The following PDZD7 variants were observed in gnomAD, a reference collection of about 807,000 sequenced individuals.
The protein encoded by PDZD7 is PDZ domain-containing protein 7.
Under a neutral mutation model 84.7 loss-of-function variants are expected in PDZD7, and 72 were observed. The observed-to-expected ratio is 0.85, with a 90% CI of 0.70 to 1.03. The LOEUF is 1.03. PDZD7 is among the 50% of genes least tolerant of loss of function. The pLI, the probability that PDZD7 is intolerant of heterozygous loss-of-function variation, is 0.00. For missense variants in PDZD7, 1,490 were observed against 1,412.9 expected, an observed-to-expected ratio of 1.05 and a Z score of -0.87; for synonymous variants, 594 against 580.7, an observed-to-expected ratio of 1.02 and a Z score of -0.33.
rs1852355585 is a variant in PDZD7, at chr10:101,010,500, G to C, written c.2389C>G (p.Pro797Ala). 3 of 1,534,122 alleles carry C rather than the reference G, an allele frequency of 2.0e-6. No individual in the cohort carries two copies. The highest frequency in any genetic ancestry group is 2.0e-5 in the Admixed American group (1 of 50,924). Residue 797 changes from proline (P) to alanine (A), a missense_variant, in exon 15 of 17, where the codon CCA (proline) becomes GCA (alanine). Transcript: ENST00000619208. ...GGGGCAGGGGTAGGCACCGGGGATG[G>C]GGAGCGTCTACCTGGAGACTTGCCT... ...GQGKSPGRRS[P>A]SPVPTPAPSM...
At chr10:101,009,128 C>G (rs1852310408) in intron 16 of PDZD7, 122 bp downstream of exon 16, 3 of 967,270 alleles carry the variant, frequency 3.1e-6, no homozygotes, top group Non-Finnish European at 4.6e-6. Context: ...CCCCCTCACC[C>G]CAAGCCTCCT....
At position 101,010,297 on chromosome 10, in the gene PDZD7, T is replaced by A; in HGVS notation, c.2592A>T (p.Thr864=). The A allele has an allele frequency of 6.5e-7, 1 of 1,533,940 alleles. No homozygotes were observed. Among genetic ancestry groups the A allele is most frequent in the South Asian group, 1.2e-5 (1 of 84,016 alleles). The part of the protein sequence containing the change: ...KNPSGELKTV[T]LSKMKQSLGI... ...CTAAGGACTGCTTCATCTTGGACAGTGTCACTGTCTTCAGCTCGCCACTGG... is the reference window on the plus strand; with the variant it reads ...CTAAGGACTGCTTCATCTTGGACAGAGTCACTGTCTTCAGCTCGCCACTGG... The change falls in exon 15 of 17, where the codon ACA becomes ACT. Residue 864 remains threonine, a synonymous_variant. Transcript: ENST00000619208.
In PDZD7 at chr10:101,020,607, G is replaced by T. The variant is rs1207091486; in HGVS notation, c.928+11C>A. On this transcript the variant is annotated intron_variant, in intron 7 of 16. Coordinates refer to ENST00000619208, the MANE Select transcript of PDZD7 (RefSeq NM_001195263.2). ...CTTTCCCTCCAACCTTGGGAGATCT[G>T]AGCCACTTACGTCGGTCCAGCCAGC... 6.2e-7 allele frequency: 1 copy of T among 1,611,680 alleles called. No homozygotes were observed. The highest frequency in any genetic ancestry group is 8.5e-7 in the Non-Finnish European group (1 of 1,178,114).
At position 101,010,495 on chromosome 10, in the gene PDZD7, G is replaced by T; in HGVS notation, c.2394C>A (p.Ser798=). The T allele has an allele frequency of 6.5e-7, 1 of 1,534,484 alleles. No individual in the cohort carries two copies. The change falls in exon 15 of 17, where the codon TCC becomes TCA. Residue 798 remains serine, a synonymous_variant. Coordinates refer to ENST00000619208, the MANE Select transcript of PDZD7 (RefSeq NM_001195263.2). ...QGKSPGRRSP[S]PVPTPAPSMT... ...TGCTGGGGGCAGGGGTAGGCACCGGGGATGGGGAGCGTCTACCTGGAGACT... is the reference window on the plus strand; with the variant it reads ...TGCTGGGGGCAGGGGTAGGCACCGGTGATGGGGAGCGTCTACCTGGAGACT...
chr10:101,015,956 C>A, intron 10 of PDZD7, 145 bp from the exon 11 acceptor site: 1 of 876,616 alleles, frequency 1.1e-6, no homozygotes, highest in Non-Finnish European at 1.7e-6. Flanking sequence ...CCCACAGCAA[C>A]CTGCCCACCA....
In PDZD7 at chr10:101,024,024, T is replaced by TCTCCACC. The variant is rs772419727; in HGVS notation, c.264_270dup (p.Lys91GlyfsTer60). 3.1e-6 allele frequency: 5 copies of TCTCCACC among 1,614,248 alleles called. No homozygotes were observed. In the South Asian group the frequency reaches 5.5e-5, roughly 18 times the overall value. On this transcript the variant is annotated frameshift_variant, in exon 3 of 17. Coordinates refer to ENST00000619208, the MANE Select transcript of PDZD7 (RefSeq NM_001195263.2). LOFTEE classifies it high-confidence loss of function. ...AAGCCCAGCCTCCCTGCTGGACTCT[T>TCTCCACC]CTCCACCCGGACTGAATGGATGATG...
Position 101,011,713 on chromosome 10 carries a change from C to G in PDZD7, c.1982G>C (p.Arg661Pro), listed in dbSNP as rs1394885704. The G allele has an allele frequency of 2.6e-6, 4 of 1,541,666 alleles. No homozygotes were observed. The highest frequency in any genetic ancestry group is 1.2e-5 in the South Asian group (1 of 84,060). Residue 661 changes from arginine to proline, a missense_variant, in exon 14 of 17, where the codon CGT becomes CCT. Physicochemically the swap from Arg to Pro is moderately radical, Grantham distance 103 (BLOSUM62 -2). Coordinates refer to ENST00000619208, the MANE Select transcript of PDZD7 (RefSeq NM_001195263.2). ...ACCAGGCACGGGGGTGATAAGGTGA[C>G]GCTTGGGTGGCGTGTCCTGCCGGGC... ...RPARQDTPPKRHLITPVPDSR... is the reference protein window; with the variant it reads ...RPARQDTPPKPHLITPVPDSR...
Position 101,010,747 on chromosome 10 carries a change from G to GA in PDZD7, c.2141dup (p.Leu717SerfsTer33). 1.0e-6 allele frequency: 1 copy of GA among 988,346 alleles called. No individual in the cohort carries two copies. The highest frequency in any genetic ancestry group is 1.4e-6 in the Non-Finnish European group (1 of 716,328). 61.2% of individuals were successfully genotyped at this position (988,346 alleles called of 1,614,324 possible). ...CTACTGGCACGTCTTGTAGAGGGGG[G>GA]ATCCCTTTATGGGGGTGGCGAGGGG... is the stretch of plus-strand genomic sequence containing the variant. On this transcript the variant is annotated frameshift_variant, in exon 15 of 17. Transcript: ENST00000619208. LOFTEE classifies it high-confidence loss of function.
In PDZD7 at chr10:101,008,301, A is replaced by G. The variant is rs956386902; in HGVS notation, c.*166T>C. ...CCTTGGACACTAAGGCAGAGCCTTAATGACAGCTGAGGAGGGAAGAAAGTG... is the reference window on the plus strand; with the variant it reads ...CCTTGGACACTAAGGCAGAGCCTTAGTGACAGCTGAGGAGGGAAGAAAGTG... On this transcript the variant is annotated 3_prime_UTR_variant, in exon 17 of 17. Transcript: ENST00000619208. The G allele has an allele frequency of 2.4e-5, 18 of 751,340 alleles. No individual in the cohort carries two copies. The highest frequency in any genetic ancestry group is 3.1e-5 in the Non-Finnish European group (15 of 478,376). 46.5% of individuals were successfully genotyped at this position (751,340 alleles called of 1,614,324 possible).
rs1387281740 is a variant in PDZD7 at position 101,008,631 on chromosome 10, G to A, written c.2938C>T (p.Leu980Phe). 1 of 1,535,974 alleles carries A rather than the reference G, an allele frequency of 6.5e-7. No individual in the cohort carries two copies. The highest frequency in any genetic ancestry group is 8.7e-7 in the Non-Finnish European group (1 of 1,146,700). ...TGGGCAGGAACTGGAGCAGCATCAA[G>A]GGGTTGGTGGGCAGGCAAGTGGTCA... ...PADHLPAHQPLDAAPVPAHWL... is the reference protein window; with the variant it reads ...PADHLPAHQPFDAAPVPAHWL... Residue 980 changes from leucine to phenylalanine, a missense_variant, in exon 17 of 17, where the codon CTT becomes TTT. Physicochemically the swap from Leu to Phe is conservative, Grantham distance 22. Transcript: ENST00000619208.
At chr10:101,016,965 T>A (rs1411442808) in intron 9 of PDZD7, among the ~76,000 whole-genome samples, 1 of 152,126 alleles carries the variant, frequency 6.6e-6, no homozygotes, top group African/African-American at 2.4e-5. Context: ...CAGCTCCTCA[T>A]CCTCTGGTTG....
Position 101,018,299 on chromosome 10 carries a change from G to A in PDZD7, c.1325-3C>T, listed in dbSNP as rs1852829459. On this transcript the variant is annotated splice_region_variant and splice_polypyrimidine_tract_variant and intron_variant, in intron 8 of 16. Transcript: ENST00000619208. The stretch of plus-strand genomic sequence containing the variant: ...CTTCTTCCGCTGCTGCTTCTCCTCT[G>A]CAGACACGAGGGAGCAACGGGGGAG... The A allele has an allele frequency of 6.2e-7, 1 of 1,613,196 alleles. No individual in the cohort carries two copies. Among genetic ancestry groups the A allele is most frequent in the Non-Finnish European group, 8.5e-7 (1 of 1,179,968 alleles).
chr10:101,018,938 T>C lies in PDZD7; in HGVS notation c.1208A>G (p.His403Arg), dbSNP rs921239445. 3 of 1,602,696 alleles carry C rather than the reference T, an allele frequency of 1.9e-6. No individual in the cohort carries two copies. The highest frequency in any genetic ancestry group is 3.4e-5 in the Admixed American group (2 of 58,302). Residue 403 changes from histidine (H) to arginine (R), a missense_variant, in exon 8 of 17, where the codon CAT becomes CGT. Transcript: ENST00000619208. ...RDTAIRSDGP[H>R]PGRRLDSALS... ...CGCAGAGTCAAGGCGGCGGCCGGGA[T>C]GGGGGCCGTCCGAGCGGATGGCGGT...
Position 101,019,095 on chromosome 10 carries a change from G to C in PDZD7, c.1051C>G (p.Leu351Val). 6.4e-7 allele frequency: 1 copy of C among 1,563,106 alleles called. No homozygotes were observed. Among genetic ancestry groups the C allele is most frequent in the Non-Finnish European group, 8.6e-7 (1 of 1,161,480 alleles). Residue 351 changes from leucine to valine, a missense_variant, in exon 8 of 17, where the codon CTC (leucine) becomes GTC (valine). By Grantham distance (32) the Leu-to-Val change is conservative. Coordinates refer to ENST00000619208, the MANE Select transcript of PDZD7 (RefSeq NM_001195263.2). Reference protein sequence around the residue: ...SLPSDRMDICLGQEEPGSRGP... With the variant: ...SLPSDRMDICVGQEEPGSRGP... ...CGGCTGCCGGGCTCCTCCTGCCCGA[G>C]GCAGATGTCCATGCGGTCCGACGGC... is the stretch of plus-strand genomic sequence containing the variant.
intron 2 of PDZD7, 27 bp downstream of exon 2, chr10:101,029,967 A>AAACCCC: frequency 1.3e-6 from 1 of 788,016 alleles, no homozygotes; most frequent in Non-Finnish European, 2.1e-6. Context: ...TCCCCAACCC[A>AAACCCC]GGCCAGTGGC....
chr10:101,022,930 G>A (rs966504872), intron 4 of PDZD7, among the ~76,000 whole-genome samples: 4 of 151,944 alleles, frequency 2.6e-5, no homozygotes, highest in East Asian at 1.9e-4. Context: ...GCTCCACCAC[G>A]CTCGGTTAAT....
At chr10:101,025,959 A>G (rs1937674535) in intron 2 of PDZD7, among the ~76,000 whole-genome samples, 1 of 152,134 alleles carries the variant, frequency 6.6e-6, no homozygotes, top group South Asian at 2.1e-4. Flanking sequence ...GGGTCCTCCC[A>G]TCTGTTAGAC....
chr10:101,007,775 C>A lies in PDZD7; in HGVS notation c.*692G>T. The stretch of plus-strand genomic sequence containing the variant: ...CGTTTTCACTTGTATATTTTTCACA[C>A]TGTAAATTTCTTGTACAAACCCAAA... On this transcript the variant is annotated 3_prime_UTR_variant, in exon 17 of 17. Transcript: ENST00000619208. The A allele has an allele frequency of 4.0e-6, 2 of 493,992 alleles. No individual in the cohort carries two copies. The highest frequency in any genetic ancestry group is 5.3e-6 in the Non-Finnish European group (2 of 377,292). The allele number at this position is 493,992 out of a possible 1,614,324, so 30.6% of individuals were successfully genotyped here.
intron 7 of PDZD7, 65 bp downstream of exon 7, chr10:101,020,553 G>C: frequency 6.8e-7 from 1 of 1,466,354 alleles, no homozygotes; most frequent in Admixed American, 1.7e-5. Context: ...CTTCTTCAGA[G>C]AGCCGGGCCC....
Sources: gnomAD v4.1 joint callset for allele counts (sites outside exome capture counted in the v4.1 genomes callset) on GRCh38, gnomAD v4.1.1 for gene constraint, MANE v1.5 for transcripts, NCBI Gene and HGNC (gene_info 2026-07-23, HGNC 2026-07-21) for gene names.